The following ATL1 variants were observed in gnomAD, a reference collection of about 807,000 sequenced individuals.
ATL1 encodes the protein atlastin-1.
ATL1 carries 31 observed loss-of-function variants against 75.5 expected under a neutral mutation model. That is an observed-to-expected ratio of 0.41 (90% CI 0.31 to 0.55). The LOEUF (loss-of-function observed/expected upper bound fraction) is 0.55. ATL1 is among the 20% of genes least tolerant of loss of function. The pLI is 0.27. For synonymous variants in ATL1, 226 were observed against 233.3 expected, an observed-to-expected ratio of 0.97 and a Z score of 0.28; for missense variants, 405 against 662.6, an observed-to-expected ratio of 0.61 and a Z score of 4.27.
rs527405240 is a variant in ATL1 at position 50,553,198 on chromosome 14, A to G, written c.-139-6929A>G. Reference sequence around the variant, plus strand: ...GTAGTCACAGCTACTCAGGAGGCTGAAGCAGGAGAATGCAGTGAGCCGAGA... The same window carrying G: ...GTAGTCACAGCTACTCAGGAGGCTGGAGCAGGAGAATGCAGTGAGCCGAGA... On this transcript the variant is annotated intron_variant, in intron 1 of 13. Coordinates refer to the ATL1 transcript ENST00000441560. Among the ~76,000 whole-genome samples the G allele has an allele frequency of 6.6e-5, 10 of 151,936 alleles. No individual in the cohort carries two copies. In the South Asian group the frequency reaches 2.1e-3, roughly 32 times the overall value.
chr14:50,624,566 T>C (rs1257859707), intron 11 of ATL1, among the ~76,000 whole-genome samples: 1 of 151,946 alleles, frequency 6.6e-6, no homozygotes, highest in Non-Finnish European at 1.5e-5. Flanking sequence ...CACAACAATA[T>C]TGAAAATAGG....
At chr14:50,609,296 G>A (rs1265798625) in intron 6 of ATL1, among the ~76,000 whole-genome samples, 1 of 151,838 alleles carries the variant, frequency 6.6e-6, no homozygotes, top group East Asian at 1.9e-4. Flanking sequence ...GGGACAAAAG[G>A]GAGAGAACAT....
intron 1 of ATL1, among the ~76,000 whole-genome samples, chr14:50,549,414 T>A (rs2038674584): frequency 6.6e-6 from 1 of 152,156 alleles, no homozygotes; most frequent in Non-Finnish European, 1.5e-5. Context: ...AAGGGTTCCC[T>A]CTGCACCAAG....
chr14:50,548,709 A>G lies in ATL1; in HGVS notation c.-139-11418A>G, dbSNP rs537987205. Among the ~76,000 whole-genome samples the G allele has an allele frequency of 1.5e-3, 223 of 152,148 alleles. 1 individual carries two copies. Among genetic ancestry groups the G allele is most frequent in the Non-Finnish European group, 2.8e-3 (188 of 67,992 alleles). Reference sequence around the variant, plus strand: ...GTATTTTTAGTAGAGACAGGGTTTCACTGTGTTAGCCAGGATGGTCTCGAT... The same window carrying G: ...GTATTTTTAGTAGAGACAGGGTTTCGCTGTGTTAGCCAGGATGGTCTCGAT... On this transcript the variant is annotated intron_variant, in intron 1 of 13. Transcript: ENST00000441560.
intron 1 of ATL1, among the ~76,000 whole-genome samples, chr14:50,543,718 A>G (rs2038594240): frequency 1.3e-5 from 2 of 152,210 alleles, no homozygotes; most frequent in South Asian, 4.1e-4. Context: ...CATCTACTCA[A>G]TATTCAGAAT....
At chr14:50,627,021 G>C (rs149368730) in intron 11 of ATL1, among the ~76,000 whole-genome samples, 61 of 152,314 alleles carry the variant, frequency 4.0e-4, no homozygotes, top group African/African-American at 1.3e-3. Flanking sequence ...GTAAAATGCT[G>C]TCAAATGGCA....
At chr14:50,616,281 G>C (rs1399610814) in intron 8 of ATL1, among the ~76,000 whole-genome samples, 1 of 151,936 alleles carries the variant, frequency 6.6e-6, no homozygotes, top group African/African-American at 2.4e-5. Flanking sequence ...TTACAGGTGT[G>C]AGCCACTGCA....
At chr14:50,565,779 A>T (rs1368645166) in intron 1 of ATL1, among the ~76,000 whole-genome samples, 3 of 152,196 alleles carry the variant, frequency 2.0e-5, no homozygotes, top group Non-Finnish European at 4.4e-5. Flanking sequence ...ACTGTGTAGT[A>T]CTTCCAGTAA....
At chr14:50,603,508 A>G (rs931484562) in intron 6 of ATL1, among the ~76,000 whole-genome samples, 1 of 151,796 alleles carries the variant, frequency 6.6e-6, no homozygotes, top group Admixed American at 6.6e-5. Context: ...ATAATACTCT[A>G]TTACATTAGG....
At chr14:50,540,313 G>A (rs1172163892) in intron 1 of ATL1, among the ~76,000 whole-genome samples, 2 of 152,176 alleles carry the variant, frequency 1.3e-5, no homozygotes, top group Non-Finnish European at 2.9e-5. Flanking sequence ...ATATGTAGGT[G>A]GAAAAATCCT....
intron 1 of ATL1, among the ~76,000 whole-genome samples, chr14:50,562,709 A>G (rs1230868293): frequency 1.3e-5 from 2 of 152,246 alleles, no homozygotes; most frequent in East Asian, 3.8e-4. Context: ...TATTATAGAA[A>G]AGAAAGAGTG....
In ATL1 at chr14:50,599,226, C is replaced by A. The variant is rs540569462; in HGVS notation, c.630+3594C>A. Reference sequence around the variant, plus strand: ...CATACAGGAAACTTTTGCAAGTAACCAAAACCTGGTTCCCAATCAGAAAAC... The same window carrying A: ...CATACAGGAAACTTTTGCAAGTAACAAAAACCTGGTTCCCAATCAGAAAAC... On this transcript the variant is annotated intron_variant, in intron 6 of 13. Coordinates refer to ENST00000358385, the MANE Select transcript of ATL1 (RefSeq NM_015915.5). Among the ~76,000 whole-genome samples, 24 of 152,080 alleles carry A rather than the reference C, an allele frequency of 1.6e-4. No individual in the cohort carries two copies. The East Asian group carries it at 4.4e-3, about 28-fold the overall frequency.
At chr14:50,582,550 C>T (rs1242501248) in intron 1 of ATL1, among the ~76,000 whole-genome samples, 1 of 149,676 alleles carries the variant, frequency 6.7e-6, no homozygotes, top group Non-Finnish European at 1.5e-5. Flanking sequence ...GTTGGGACTA[C>T]AGGCACGCAC....
chr14:50,613,242 T>G lies in ATL1; in HGVS notation c.631-17T>G. ...ACCTTAAAGTCCTCATATCAATCCT[T>G]TCTTATTATTTTTTAGAGTCTGATA... On this transcript the variant is annotated splice_polypyrimidine_tract_variant and intron_variant, in intron 6 of 13. Coordinates refer to ENST00000358385, the MANE Select transcript of ATL1 (RefSeq NM_015915.5). 6.3e-7 allele frequency: 1 copy of G among 1,594,970 alleles called. No individual in the cohort carries two copies. The highest frequency in any genetic ancestry group is 8.6e-7 in the Non-Finnish European group (1 of 1,163,642).
At position 50,601,624 on chromosome 14, in the gene ATL1, G is replaced by A. The variant is rs1026418835; in HGVS notation, c.630+5992G>A. On this transcript the variant is annotated intron_variant, in intron 6 of 13. Coordinates refer to ENST00000358385, the MANE Select transcript of ATL1 (RefSeq NM_015915.5). ...GAGCCAGCTCTAAACTATGTAGCAC[G>A]CCCAGGAAGTATAATTCACATTAAG... 1.9e-4 allele frequency among the ~76,000 whole-genome samples: 29 copies of A among 152,094 alleles called. No individual in the cohort carries two copies. The East Asian group carries it at 1.9e-3, about 10-fold the overall frequency.
intron 6 of ATL1, among the ~76,000 whole-genome samples, chr14:50,596,963 A>G (rs191259769): frequency 2.6e-5 from 4 of 152,292 alleles, no homozygotes; most frequent in Admixed American, 1.3e-4. Flanking sequence ...TAATCCCAGC[A>G]CTTTGGGAGG....
intron 1 of ATL1, among the ~76,000 whole-genome samples, chr14:50,567,221 A>AT (rs375439077): frequency 8.4e-4 from 124 of 147,262 alleles, no homozygotes; most frequent in Non-Finnish European, 1.2e-3. Context: ...GGAATGATAC[A>AT]TTTTTTTTTT....
intron 8 of ATL1, among the ~76,000 whole-genome samples, chr14:50,616,431 T>A (rs2039415929): frequency 6.6e-6 from 1 of 151,960 alleles, no homozygotes; most frequent in African/African-American, 2.4e-5. Context: ...CAAATAGGAC[T>A]ACAGGAGTGT....
intron 6 of ATL1, among the ~76,000 whole-genome samples, chr14:50,596,851 A>G (rs1345001043): frequency 2.0e-5 from 3 of 152,182 alleles, no homozygotes; most frequent in African/African-American, 4.8e-5. Flanking sequence ...GGAAAAAAAT[A>G]TAGCCATAAA....
Sources: allele counts gnomAD v4.1 joint callset (sites outside exome capture counted in the v4.1 genomes callset), GRCh38; gene constraint gnomAD v4.1.1; transcripts MANE v1.5; gene names NCBI Gene and HGNC (gene_info 2026-07-23, HGNC 2026-07-21).